The following ANKHD1 variants were observed in gnomAD, a reference collection of about 807,000 sequenced individuals.
The protein encoded by ANKHD1 is ankyrin repeat and KH domain-containing protein 1.
In ANKHD1, 31 loss-of-function variants were observed where a neutral mutation model predicts 230.5. The ratio of observed to expected loss-of-function variants is 0.13; its 90% CI spans 0.10 to 0.18. ANKHD1 has a LOEUF of 0.18. ANKHD1 is among the 10% of genes least tolerant of loss of function. ANKHD1 has a pLI of 1.00. For missense variants in ANKHD1, 2,256 were observed against 3,071.3 expected, an observed-to-expected ratio of 0.73 and a Z score of 6.27; for synonymous variants, 1,074 against 1,117.6, an observed-to-expected ratio of 0.96 and a Z score of 0.78.
rs144139866 is a variant in ANKHD1, at chr5:140,473,834, A to G, written c.1783-8746A>G. ...ATTTGTTAGATGAAATGTAATTGTA[A>G]ATCTTTCTCTCTAGCTGCAAGTCTC... On this transcript the variant is annotated intron_variant, in intron 10 of 33. Transcript: ENST00000360839. Among the ~76,000 whole-genome samples the G allele has an allele frequency of 1.6e-3, 244 of 152,284 alleles. 1 individual carries two copies. The highest frequency in any genetic ancestry group is 5.7e-3 in the African/African-American group (238 of 41,546).
In ANKHD1 at chr5:140,526,164, C is replaced by T. The variant is rs1753599503; in HGVS notation, c.4661C>T (p.Pro1554Leu). 1.9e-6 allele frequency: 3 copies of T among 1,613,604 alleles called. No individual in the cohort carries two copies. The highest frequency in any genetic ancestry group is 2.5e-6 in the Non-Finnish European group (3 of 1,179,966). Reference sequence around the variant, plus strand: ...AAGAAGAACAAAACAAAAGAAACCCCTCCTACAGCACATTTAATTTTACCA... The same window carrying T: ...AAGAAGAACAAAACAAAAGAAACCCTTCCTACAGCACATTTAATTTTACCA... Reference protein sequence around the residue: ...KNKKNKTKETPPTAHLILPEQ... With the variant: ...KNKKNKTKETLPTAHLILPEQ... Residue 1554 changes from proline to leucine, a missense_variant, in exon 26 of 34, where the codon CCT becomes CTT. Transcript: ENST00000360839.
chr5:140,528,573 A>G lies in ANKHD1; in HGVS notation c.5627A>G (p.Gln1876Arg). The G allele has an allele frequency of 1.2e-6, 2 of 1,614,172 alleles. No homozygotes were observed. Among genetic ancestry groups the G allele is most frequent in the Non-Finnish European group, 8.5e-7 (1 of 1,180,030 alleles). Residue 1876 changes from glutamine (Q) to arginine (R), a missense_variant, in exon 29 of 34, where the codon CAG becomes CGG. Coordinates refer to ENST00000360839, the MANE Select transcript of ANKHD1 (RefSeq NM_017747.3). ...CGGCATCCTCGCTTACCCATGGCCC[A>G]GTTTGGAGGAACCTTCTCACCTTCT... ...QIRHPRLPMA[Q>R]FGGTFSPSPN...
In ANKHD1 at chr5:140,538,182, A is replaced by T. The variant is rs1403020411; in HGVS notation, c.7325A>T (p.Glu2442Val). Residue 2442 changes from glutamate (E) to valine (V), a missense_variant, in exon 32 of 34, where the codon GAG (glutamate) becomes GTG (valine). Transcript: ENST00000360839. Reference protein sequence around the residue: ...PSTFSQHQPMERDDSGMVAPS... With the variant: ...PSTFSQHQPMVRDDSGMVAPS... ...ACATTCTCCCAACATCAGCCAATGGAGAGAGATGATTCTGGAATGGTAGCC... is the reference window on the plus strand; with the variant it reads ...ACATTCTCCCAACATCAGCCAATGGTGAGAGATGATTCTGGAATGGTAGCC... The T allele has an allele frequency of 6.2e-7, 1 of 1,614,086 alleles. No homozygotes were observed. The highest frequency in any genetic ancestry group is 1.3e-5 in the African/African-American group (1 of 74,938).
At chr5:140,536,892 A>G (rs1004271447) in intron 30 of ANKHD1, among the ~76,000 whole-genome samples, 2 of 152,010 alleles carry the variant, frequency 1.3e-5, no homozygotes, top group African/African-American at 4.8e-5. Flanking sequence ...GAGGTGGTGC[A>G]TGCCTGTAAT....
intron 1 of ANKHD1, among the ~76,000 whole-genome samples, chr5:140,406,059 G>A (rs1770412940): frequency 6.6e-6 from 1 of 151,970 alleles, no homozygotes; most frequent in Non-Finnish European, 1.5e-5. Flanking sequence ...GGCCAACATG[G>A]CAAAATTCTG....
At chr5:140,405,667 C>T (rs2126834241) in intron 1 of ANKHD1, among the ~76,000 whole-genome samples, 1 of 152,244 alleles carries the variant, frequency 6.6e-6, no homozygotes, top group African/African-American at 2.4e-5. Context: ...GGGTCTCATT[C>T]TGTCACCCAG....
At chr5:140,499,651 C>T (rs1201514458) in intron 15 of ANKHD1, among the ~76,000 whole-genome samples, 1 of 151,938 alleles carries the variant, frequency 6.6e-6, no homozygotes, top group Admixed American at 6.6e-5. Context: ...TTGTTTGATA[C>T]GTGTCATACA....
At chr5:140,535,335 G>GCTAATTA in intron 29 of ANKHD1, 27 bp from the exon 30 acceptor site, 1 of 1,531,732 alleles carries the variant, frequency 6.5e-7, no homozygotes, top group Non-Finnish European at 8.8e-7. Context: ...TTAGCTAATT[G>GCTAATTA]GATGTCTTGG....
At chr5:140,509,177 A>G (rs1420548699) in intron 20 of ANKHD1, among the ~76,000 whole-genome samples, 2 of 152,172 alleles carry the variant, frequency 1.3e-5, no homozygotes, top group African/African-American at 4.8e-5. Flanking sequence ...ATTGTGTGCC[A>G]CTCATCCATT....
At chr5:140,426,292 C>A (rs1315758271) in intron 1 of ANKHD1, among the ~76,000 whole-genome samples, 5 of 152,038 alleles carry the variant, frequency 3.3e-5, no homozygotes, top group African/African-American at 1.2e-4. Flanking sequence ...TCACGCCTGG[C>A]TAATTTTTGT....
At chr5:140,438,368 GA>G (rs67253476) in intron 2 of ANKHD1, 92 bp from the exon 3 acceptor site, 46,304 of 1,423,286 alleles carry the variant, frequency 0.033, 1,305 homozygotes, top group South Asian at 0.13. Flanking sequence ...CTTTTTCCTA[GA>G]TAATAGTGTT....
chr5:140,407,015 GGCCTGGTGCGGTGGCTAAC>G (rs1770515856), intron 1 of ANKHD1, among the ~76,000 whole-genome samples: 1 of 152,106 alleles, frequency 6.6e-6, no homozygotes, highest in Non-Finnish European at 1.5e-5. Context: ...AACCACTTTA[GGCCTGGTGCGGTGGCTAAC>G]GCCTGTAATC....
intron 24 of ANKHD1, among the ~76,000 whole-genome samples, chr5:140,516,744 G>C (rs1753030309): frequency 6.6e-6 from 1 of 152,008 alleles, no homozygotes; most frequent in South Asian, 2.1e-4. Context: ...AATGCTGAGA[G>C]ATTTTGTCAC....
chr5:140,415,999 C>G (rs909237022), intron 1 of ANKHD1, among the ~76,000 whole-genome samples: 44 of 152,210 alleles, frequency 2.9e-4, no homozygotes, highest in African/African-American at 1.0e-3. Flanking sequence ...CAAGTGTTCT[C>G]ATTGTTCAAT....
At chr5:140,437,054 C>A (rs566335349) in intron 2 of ANKHD1, among the ~76,000 whole-genome samples, 2 of 152,120 alleles carry the variant, frequency 1.3e-5, no homozygotes, top group Non-Finnish European at 2.9e-5. Context: ...AGACTTTTCC[C>A]CTTATGATAA....
At chr5:140,415,193 C>T (rs1207351379) in intron 1 of ANKHD1, among the ~76,000 whole-genome samples, 1 of 151,620 alleles carries the variant, frequency 6.6e-6, no homozygotes, top group Admixed American at 6.6e-5. Context: ...ACCAGCCTGA[C>T]CAACATGGTG....
rs1265028584 is a variant in ANKHD1, at chr5:140,506,995, T to G, written c.3551+18T>G. On this transcript the variant is annotated intron_variant, in intron 19 of 33. Transcript: ENST00000360839. This position sits in a 1 kb window ranked among gnomAD's most constrained non-coding sequence, Gnocchi z 4.7. ...AATTCAAGGTATTGCCTGTTCATTTTATTGTTCATGTTTAGTAAGTTACTA... is the reference window on the plus strand; with the variant it reads ...AATTCAAGGTATTGCCTGTTCATTTGATTGTTCATGTTTAGTAAGTTACTA... 6.2e-7 allele frequency: 1 copy of G among 1,611,342 alleles called. No individual in the cohort carries two copies.
At chr5:140,510,309 C>CTTTTTTTTTTTTTTTTTTTTTTTTTTTT (rs34693244) in intron 22 of ANKHD1, 128 bp downstream of exon 22, 1 of 500,746 alleles carries the variant, frequency 2.0e-6, no homozygotes, top group Non-Finnish European at 2.7e-6. Context: ...TCTTTCCATT[C>CTTTTTTTTTTTTTTTTTTTTTTTTTTTT]TTTTTTTTTT....
At chr5:140,440,411 T>G in intron 4 of ANKHD1, 145 bp downstream of exon 4, 1 of 1,239,246 alleles carries the variant, frequency 8.1e-7, no homozygotes, top group African/African-American at 1.6e-5. Flanking sequence ...GTGGGTAAAG[T>G]AGAAACAGAT....
Sources: gnomAD v4.1 joint callset for allele counts (sites outside exome capture counted in the v4.1 genomes callset) on GRCh38, gnomAD v4.1.1 for gene constraint, Gnocchi (gnomAD v3.1) non-coding constraint, MANE v1.5 for transcripts, NCBI Gene and HGNC (gene_info 2026-07-23, HGNC 2026-07-21) for gene names.